The following SPTLC3 variants were observed in gnomAD, a reference collection of about 807,000 sequenced individuals.
SPTLC3 encodes serine palmitoyltransferase 3.
A neutral mutation model predicts 59.3 loss-of-function variants in SPTLC3; 36 were observed. That is an observed-to-expected ratio of 0.61 (90% CI 0.47 to 0.80). The LOEUF (loss-of-function observed/expected upper bound fraction) is 0.80. SPTLC3 is among the 30% of genes least tolerant of loss of function. The probability of loss-of-function intolerance (pLI) is 0.00; values close to 1 mark genes in which losing one functional copy is unlikely to be tolerated. For missense variants in SPTLC3, 625 were observed against 685.1 expected, an observed-to-expected ratio of 0.91 and a Z score of 0.98; for synonymous variants, 257 against 240.8, an observed-to-expected ratio of 1.07 and a Z score of -0.62.
chr20:13,123,525 C>T (rs760010999), intron 8 of SPTLC3, among the ~76,000 whole-genome samples: 1 of 152,118 alleles, frequency 6.6e-6, no homozygotes, highest in Non-Finnish European at 1.5e-5. Context: ...GGTCACACGG[C>T]AGTAAGTGGC....
intron 1 of SPTLC3, among the ~76,000 whole-genome samples, chr20:13,029,090 G>A (rs1986299926): frequency 6.6e-6 from 1 of 152,118 alleles, no homozygotes; most frequent in African/African-American, 2.4e-5. Flanking sequence ...AATGATTTGG[G>A]GCACCTGGAG....
intron 1 of SPTLC3, among the ~76,000 whole-genome samples, chr20:13,014,057 C>T (rs190609709): frequency 8.5e-5 from 13 of 152,330 alleles, no homozygotes; most frequent in African/African-American, 2.6e-4. Context: ...TACAGGATGA[C>T]TGGCTTCTAA....
At chr20:13,100,957 C>CCAGGAAGCACCAGTAGGTGAGCAGGGCA (rs71188140) in intron 6 of SPTLC3, among the ~76,000 whole-genome samples, 1 of 77,774 alleles carries the variant, frequency 1.3e-5, no homozygotes. Flanking sequence ...GAAAGTGATG[C>CCAGGAAGCACCAGTAGGTGAGCAGGGCA]CAGGAAGCAC....
intron 1 of SPTLC3, among the ~76,000 whole-genome samples, chr20:13,018,769 T>C (rs775988296): frequency 6.6e-6 from 1 of 152,212 alleles, no homozygotes; most frequent in Non-Finnish European, 1.5e-5. Flanking sequence ...TATGCTGATT[T>C]TGAAATATAT....
chr20:13,028,689 CAAGAT>C (rs137920295), intron 1 of SPTLC3, among the ~76,000 whole-genome samples: 4,718 of 152,128 alleles, frequency 0.031, 251 homozygotes, highest in African/African-American at 0.11. Flanking sequence ...CAAGTAGATA[CAAGAT>C]AAGAATGGAC....
intron 2 of SPTLC3, among the ~76,000 whole-genome samples, chr20:13,069,785 A>G (rs1335686957): frequency 2.0e-5 from 3 of 152,178 alleles, no homozygotes; most frequent in Non-Finnish European, 4.4e-5. Flanking sequence ...AATTTTATAG[A>G]CAGAATACTT....
Position 13,110,155 on chromosome 20 carries a change from T to C in SPTLC3, c.870T>C (p.Tyr290=), listed in dbSNP as rs181963687. 214 of 1,613,752 alleles carry C rather than the reference T, an allele frequency of 1.3e-4. No individual in the cohort carries two copies. The East Asian group carries it at 4.7e-3, about 35-fold the overall frequency. ...AGCTCCTGAGAGATGCTGTCATCTA[T>C]GGCCAGCCTCGAACCCGCAGAGCTT... is the stretch of plus-strand genomic sequence containing the variant. ...LEKLLRDAVI[Y]GQPRTRRAWK... The change falls in exon 7 of 12, where the codon TAT becomes TAC. Residue 290 remains tyrosine (Y), a synonymous_variant. Coordinates refer to ENST00000399002, the MANE Select transcript of SPTLC3 (RefSeq NM_018327.4).
At chr20:13,013,582 G>C (rs1248071694) in intron 1 of SPTLC3, among the ~76,000 whole-genome samples, 2 of 152,144 alleles carry the variant, frequency 1.3e-5, no homozygotes, top group Non-Finnish European at 2.9e-5. Flanking sequence ...ATGTGGCAAG[G>C]CTTCTCCATG....
At chr20:13,036,111 C>T (rs1450598619) in intron 1 of SPTLC3, among the ~76,000 whole-genome samples, 2 of 152,002 alleles carry the variant, frequency 1.3e-5, no homozygotes, top group Non-Finnish European at 2.9e-5. Flanking sequence ...GAGTTTTCTA[C>T]TGAGGAAAGA....
intron 9 of SPTLC3, among the ~76,000 whole-genome samples, chr20:13,130,505 A>G (rs1307994071): frequency 6.6e-6 from 1 of 152,276 alleles, no homozygotes; most frequent in Non-Finnish European, 1.5e-5. Flanking sequence ...CTACAGGAAT[A>G]AGGTCAGTGT....
chr20:13,073,891 G>T, intron 3 of SPTLC3: 1 of 552,418 alleles, frequency 1.8e-6, no homozygotes, highest in Non-Finnish European at 3.6e-6. Context: ...GGACGGTCCT[G>T]TTTGTTGGTT....
intron 7 of SPTLC3, among the ~76,000 whole-genome samples, chr20:13,110,962 T>C (rs370448977): frequency 6.6e-6 from 1 of 152,050 alleles, no homozygotes; most frequent in Non-Finnish European, 1.5e-5. Flanking sequence ...AGGATAGACA[T>C]AGGATTTCTT....
chr20:13,034,718 C>T (rs1411202303), intron 1 of SPTLC3, among the ~76,000 whole-genome samples: 7 of 151,716 alleles, frequency 4.6e-5, no homozygotes, highest in South Asian at 2.1e-4. Context: ...ATTAAACTAC[C>T]CCAAATCAAG....
At chr20:13,107,559 G>A (rs1989974193) in intron 6 of SPTLC3, among the ~76,000 whole-genome samples, 1 of 152,140 alleles carries the variant, frequency 6.6e-6, no homozygotes, top group Non-Finnish European at 1.5e-5. Context: ...CAATAGTGAT[G>A]CCAGGATATC....
rs568754971 is a variant in SPTLC3, at chr20:13,094,007, G to T, written c.826+430G>T. On this transcript the variant is annotated intron_variant, in intron 6 of 11. Transcript: ENST00000399002. Reference sequence around the variant, plus strand: ...CCTTTCACTTTGCCCACCCACAGATGCTCAGATCCCCACCCAACAAAACCA... The same window carrying T: ...CCTTTCACTTTGCCCACCCACAGATTCTCAGATCCCCACCCAACAAAACCA... Among the ~76,000 whole-genome samples, 11 of 152,232 alleles carry T rather than the reference G, an allele frequency of 7.2e-5. 1 individual carries two copies. Among genetic ancestry groups the T allele is most frequent in the Admixed American group, 6.5e-4 (10 of 15,286 alleles).
At chr20:13,056,339 T>C (rs1987722662) in intron 2 of SPTLC3, among the ~76,000 whole-genome samples, 1 of 152,116 alleles carries the variant, frequency 6.6e-6, no homozygotes, top group South Asian at 2.1e-4. Context: ...TCAATTTGAG[T>C]CCCGTTAGAG....
chr20:13,023,186 A>AT (rs1985976158), intron 1 of SPTLC3, among the ~76,000 whole-genome samples: 1 of 151,842 alleles, frequency 6.6e-6, no homozygotes, highest in Admixed American at 6.6e-5. Context: ...GCTTTCTAAA[A>AT]TTGCAACCCA....
At chr20:13,062,913 A>C (rs917793506) in intron 2 of SPTLC3, among the ~76,000 whole-genome samples, 3 of 152,178 alleles carry the variant, frequency 2.0e-5, no homozygotes, top group Non-Finnish European at 4.4e-5. Flanking sequence ...GTCCATGATC[A>C]GTATATGCAT....
intron 1 of SPTLC3, among the ~76,000 whole-genome samples, chr20:13,038,916 ATGT>A (rs149309107): frequency 0.03 from 4,628 of 152,108 alleles, 235 homozygotes; most frequent in African/African-American, 0.11. Flanking sequence ...ATTTAGGAAA[ATGT>A]TGTTTAATTT....
Sources: gnomAD v4.1 joint callset for allele counts (sites outside exome capture counted in the v4.1 genomes callset) on GRCh38, gnomAD v4.1.1 for gene constraint, MANE v1.5 for transcripts, NCBI Gene and HGNC (gene_info 2026-07-23, HGNC 2026-07-21) for gene names.